HIPK2: variants seen among roughly 807,000 people sequenced by gnomAD.
HIPK2 encodes the protein homeodomain-interacting protein kinase 2.
HIPK2 carries 27 observed loss-of-function variants against 113.7 expected under a neutral mutation model. That is an observed-to-expected ratio of 0.24 (90% CI 0.17 to 0.33). The LOEUF (loss-of-function observed/expected upper bound fraction) is 0.33. Ranked by LOEUF, HIPK2 falls within the 10% of genes least tolerant of loss-of-function variation. The pLI is 1.00. For missense variants in HIPK2, 1,257 were observed against 1,588.0 expected, an observed-to-expected ratio of 0.79 and a Z score of 3.54; for synonymous variants, 631 against 642.2, an observed-to-expected ratio of 0.98 and a Z score of 0.26.
intron 12 of HIPK2, among the ~76,000 whole-genome samples, chr7:139,594,580 C>G (rs1585250749): frequency 1.3e-5 from 2 of 152,304 alleles, no homozygotes; most frequent in African/African-American, 4.8e-5. Context: ...ATACACTTTC[C>G]TACCTTCTTG....
intron 2 of HIPK2, among the ~76,000 whole-genome samples, chr7:139,632,403 T>C (rs1435058422): frequency 6.6e-6 from 1 of 152,238 alleles, no homozygotes; most frequent in Non-Finnish European, 1.5e-5. Context: ...TTATGCCAAT[T>C]ATCCTTTCTT....
At chr7:139,767,418 G>C (rs943727120) in intron 1 of HIPK2, among the ~76,000 whole-genome samples, 1 of 152,208 alleles carries the variant, frequency 6.6e-6, no homozygotes, top group African/African-American at 2.4e-5. Context: ...GGAACACACA[G>C]TCAAAGAATA....
In HIPK2 at chr7:139,631,791, T is replaced by C. The variant is rs3813694; in HGVS notation, c.1104-66A>G. 2.6e-6 allele frequency: 4 copies of C among 1,528,550 alleles called. No individual in the cohort carries two copies. The highest frequency in any genetic ancestry group is 4.8e-5 in the East Asian group (2 of 41,746). 94.7% of individuals were successfully genotyped at this position (1,528,550 alleles called of 1,614,324 possible). A position where few individuals can be genotyped will look rare whatever the true frequency, so the allele number is the denominator to read the frequency against. On this transcript the variant is annotated intron_variant, in intron 2 of 14. Coordinates refer to ENST00000406875, the MANE Select transcript of HIPK2 (RefSeq NM_022740.5). This position sits in a 1 kb window ranked among gnomAD's most constrained non-coding sequence, Gnocchi z 4.9. Reference sequence around the variant, plus strand: ...ATGCAGGAAGCTGTTTCTATATGAATACTATCTTTCAAACCTGGGGTGCCA... The same window carrying C: ...ATGCAGGAAGCTGTTTCTATATGAACACTATCTTTCAAACCTGGGGTGCCA...
chr7:139,693,149 T>A (rs1317442443), intron 2 of HIPK2, among the ~76,000 whole-genome samples: 1 of 152,190 alleles, frequency 6.6e-6, no homozygotes, highest in African/African-American at 2.4e-5. Context: ...ATTATAGGAT[T>A]TGGGGCAAGT....
At chr7:139,577,676 A>T (rs1426040170) in intron 13 of HIPK2, among the ~76,000 whole-genome samples, 1 of 152,208 alleles carries the variant, frequency 6.6e-6, no homozygotes, top group Non-Finnish European at 1.5e-5. Context: ...AACGCTAAAG[A>T]ACAGTAGAGT....
At position 139,592,761 on chromosome 7, in the gene HIPK2, C is replaced by T. The variant is rs184554857; in HGVS notation, c.2717+3956G>A. ...GTAGACAATTAAATGCTTTTCTAAT[C>T]GAAATTGTCTATAAATATTTAAAAG... On this transcript the variant is annotated intron_variant, in intron 12 of 14. Transcript: ENST00000406875. Among the ~76,000 whole-genome samples the T allele has an allele frequency of 3.9e-4, 60 of 152,256 alleles. 1 individual carries two copies. In the East Asian group the frequency reaches 0.01, roughly 26 times the overall value.
chr7:139,707,058 G>A (rs1343527970), intron 2 of HIPK2, among the ~76,000 whole-genome samples: 1 of 152,200 alleles, frequency 6.6e-6, no homozygotes, highest in Non-Finnish European at 1.5e-5. Context: ...CCCCGCCTTT[G>A]GCCCTTCCCA....
intron 12 of HIPK2, among the ~76,000 whole-genome samples, chr7:139,591,387 CA>C (rs1271110217): frequency 6.6e-6 from 1 of 152,144 alleles, no homozygotes; most frequent in Non-Finnish European, 1.5e-5. Context: ...TCTCTCTTCC[CA>C]ACTGGCCTGG....
At chr7:139,640,034 C>G (rs1309103509) in intron 2 of HIPK2, among the ~76,000 whole-genome samples, 1 of 152,136 alleles carries the variant, frequency 6.6e-6, no homozygotes, top group African/African-American at 2.4e-5. Context: ...TAACTGATCT[C>G]TCATTTGCTC....
intron 1 of HIPK2, among the ~76,000 whole-genome samples, chr7:139,740,007 G>A (rs1796053525): frequency 6.6e-6 from 1 of 152,170 alleles, no homozygotes; most frequent in African/African-American, 2.4e-5. Flanking sequence ...ATGCAACCAT[G>A]TGGACACGTG....
chr7:139,636,618 AG>A (rs1800822423), intron 2 of HIPK2, among the ~76,000 whole-genome samples: 1 of 152,160 alleles, frequency 6.6e-6, no homozygotes, highest in Non-Finnish European at 1.5e-5. Flanking sequence ...CCACAAGCCA[AG>A]GAACACCTGG....
chr7:139,614,566 C>T lies in HIPK2; in HGVS notation c.1783-73G>A, dbSNP rs574832014. 5.6e-5 allele frequency: 54 copies of T among 965,390 alleles called. No individual in the cohort carries two copies. In the Admixed American group the frequency reaches 7.4e-4, roughly 13 times the overall value. The allele number at this position is 965,390 out of a possible 1,614,324, so 59.8% of individuals were successfully genotyped here. On this transcript the variant is annotated intron_variant, in intron 7 of 14. Coordinates refer to ENST00000406875, the MANE Select transcript of HIPK2 (RefSeq NM_022740.5). ...GAGGGAGGTGGCATGTTGGGAGACACGAATCTAAATCAAATAAATGAACTC... is the reference window on the plus strand; with the variant it reads ...GAGGGAGGTGGCATGTTGGGAGACATGAATCTAAATCAAATAAATGAACTC...
At position 139,777,643 on chromosome 7, in the gene HIPK2, G is replaced by T; in HGVS notation, c.-20C>A. 2 of 1,090,088 alleles carry T rather than the reference G, an allele frequency of 1.8e-6. No homozygotes were observed. The highest frequency in any genetic ancestry group is 4.9e-5 in the East Asian group (1 of 20,226). The allele number at this position is 1,090,088 out of a possible 1,614,324, so 67.5% of individuals were successfully genotyped here. A position where few individuals can be genotyped will look rare whatever the true frequency, so the allele number is the denominator to read the frequency against. Reference sequence around the variant, plus strand: ...GGCCATCGGGGCCGGGGTGTCCGCGGTTCATGGCAACGGGGACGGGAAAGC... The same window carrying T: ...GGCCATCGGGGCCGGGGTGTCCGCGTTTCATGGCAACGGGGACGGGAAAGC... On this transcript the variant is annotated 5_prime_UTR_variant, in exon 1 of 15. Coordinates refer to ENST00000406875, the MANE Select transcript of HIPK2 (RefSeq NM_022740.5).
chr7:139,741,228 G>C (rs920848599), intron 1 of HIPK2, among the ~76,000 whole-genome samples: 3 of 152,188 alleles, frequency 2.0e-5, no homozygotes, highest in Non-Finnish European at 4.4e-5. Flanking sequence ...CTGCAGAGAA[G>C]AGCAGAAGTC....
Position 139,745,779 on chromosome 7 carries a change from G to A in HIPK2, c.20-28764C>T, listed in dbSNP as rs542271500. On this transcript the variant is annotated intron_variant, in intron 1 of 14. Transcript: ENST00000406875. Reference sequence around the variant, plus strand: ...GGCTCGAGCTCTGCCTCCACTTGCCGGCTGGAATCACCTCCTCCTCTGCAT... The same window carrying A: ...GGCTCGAGCTCTGCCTCCACTTGCCAGCTGGAATCACCTCCTCCTCTGCAT... Among the ~76,000 whole-genome samples, 13 of 152,116 alleles carry A rather than the reference G, an allele frequency of 8.5e-5. 1 individual carries two copies. In the South Asian group the frequency reaches 2.3e-3, roughly 27 times the overall value.
chr7:139,653,130 A>G (rs1364324308), intron 2 of HIPK2, among the ~76,000 whole-genome samples: 1 of 114,398 alleles, frequency 8.7e-6, no homozygotes, highest in Non-Finnish European at 1.9e-5. Context: ...ACAGAGCAAG[A>G]CTCTGTCTCA....
intron 2 of HIPK2, among the ~76,000 whole-genome samples, chr7:139,663,663 G>A (rs1448913443): frequency 1.3e-5 from 2 of 152,200 alleles, no homozygotes; most frequent in East Asian, 3.8e-4. Flanking sequence ...ACTGTAAATA[G>A]CTTTGGGTAA....
At position 139,564,510 on chromosome 7, in the gene HIPK2, G is replaced by A. The variant is rs546172475; in HGVS notation, c.*8417C>T. 6.6e-6 allele frequency: 1 copy of A among 152,236 alleles called. No individual in the cohort carries two copies. The highest frequency in any genetic ancestry group is 2.4e-5 in the African/African-American group (1 of 41,460). 9.4% of individuals were successfully genotyped at this position (152,236 alleles called of 1,614,324 possible). A position where few individuals can be genotyped will look rare whatever the true frequency, so the allele number is the denominator to read the frequency against. ...AGACAAGTGTTTAGACGACACGCAT[G>A]AGACCTTCGCATCTGGCCCGGGCTG... On this transcript the variant is annotated 3_prime_UTR_variant, in exon 15 of 15. Coordinates refer to ENST00000406875, the MANE Select transcript of HIPK2 (RefSeq NM_022740.5).
At chr7:139,677,452 G>T (rs906691359) in intron 2 of HIPK2, among the ~76,000 whole-genome samples, 1 of 152,128 alleles carries the variant, frequency 6.6e-6, no homozygotes, top group Non-Finnish European at 1.5e-5. Context: ...TGGCTGGGAA[G>T]TTCAAGATCA....
Sources: gnomAD v4.1 joint callset for allele counts (sites outside exome capture counted in the v4.1 genomes callset) on GRCh38, gnomAD v4.1.1 for gene constraint, Gnocchi (gnomAD v3.1) non-coding constraint, MANE v1.5 for transcripts, NCBI Gene and HGNC (gene_info 2026-07-23, HGNC 2026-07-21) for gene names.